The following SCAPER variants were observed in gnomAD, a reference collection of about 807,000 sequenced individuals.
The protein encoded by SCAPER is S-phase cyclin A associated protein in the ER.
SCAPER carries 98 observed loss-of-function variants against 182.2 expected under a neutral mutation model. The ratio of observed to expected loss-of-function variants is 0.54; its 90% CI spans 0.46 to 0.64. SCAPER has a LOEUF of 0.64. Ranked by LOEUF, SCAPER falls within the 30% of genes least tolerant of loss-of-function variation. The probability of loss-of-function intolerance (pLI) is 0.00; values close to 1 mark genes in which losing one functional copy is unlikely to be tolerated. For synonymous variants in SCAPER, 605 were observed against 564.6 expected (o/e 1.07, Z -1.01); for missense variants, 1,432 against 1,690.0 (o/e 0.85, Z 2.68).
intron 20 of SCAPER, among the ~76,000 whole-genome samples, chr15:76,690,152 A>G (rs1357350859): frequency 1.3e-5 from 2 of 152,188 alleles, no homozygotes; most frequent in African/African-American, 4.8e-5. Context: ...TGTGGCAAGA[A>G]ATAAGTTATA....
chr15:76,708,894 T>C (rs535554998), intron 17 of SCAPER, among the ~76,000 whole-genome samples: 25 of 151,930 alleles, frequency 1.6e-4, no homozygotes, highest in African/African-American at 6.0e-4. Context: ...GGTGGAACCC[T>C]GTCTCTACTA....
chr15:76,468,039 A>T (rs1176423119), intron 25 of SCAPER, among the ~76,000 whole-genome samples: 2 of 152,184 alleles, frequency 1.3e-5, no homozygotes, highest in Non-Finnish European at 2.9e-5. Flanking sequence ...TGGAAAATGT[A>T]TTGACAACTA....
chr15:76,390,769 A>G (rs2142016887), intron 27 of SCAPER, among the ~76,000 whole-genome samples: 1 of 152,300 alleles, frequency 6.6e-6, no homozygotes, highest in East Asian at 1.9e-4. Context: ...ACAGTTTGGA[A>G]GTTGGGCTGA....
chr15:76,733,232 C>A lies in SCAPER; in HGVS notation c.2019G>T (p.Val673=). 1.3e-6 allele frequency: 2 copies of A among 1,565,212 alleles called. No homozygotes were observed. Among genetic ancestry groups the A allele is most frequent in the Non-Finnish European group, 1.7e-6 (2 of 1,153,944 alleles). Residue 673 remains valine, a synonymous_variant, in exon 16 of 32, where the codon GTG becomes GTT. Transcript: ENST00000563290. ...TTGCTGAATAAAAAAATCCTACCTGCACAGCTTCATCACGTGCTTGCTTTT... is the reference window on the plus strand; with the variant it reads ...TTGCTGAATAAAAAAATCCTACCTGAACAGCTTCATCACGTGCTTGCTTTT... ...QEEKQARDEA[V]QERKRALEAE...
chr15:76,357,049 T>C (rs11857015), intron 29 of SCAPER, among the ~76,000 whole-genome samples: 43,121 of 151,966 alleles, frequency 0.28, 7,180 homozygotes, highest in East Asian at 0.58. Flanking sequence ...TCTGGGTTCT[T>C]GTATTTATTT....
At chr15:76,756,558 CAG>C (rs1326957645) in intron 14 of SCAPER, among the ~76,000 whole-genome samples, 1 of 152,032 alleles carries the variant, frequency 6.6e-6, no homozygotes, top group African/African-American at 2.4e-5. Flanking sequence ...TGCTGGGAGA[CAG>C]AGCAAGTCCC....
At chr15:76,772,012 T>A in intron 9 of SCAPER, 58 bp from the exon 10 acceptor site, 3 of 1,306,588 alleles carry the variant, frequency 2.3e-6, no homozygotes, top group Non-Finnish European at 3.2e-6. Context: ...TATTCCACTT[T>A]AGAAGAAGAG....
intron 17 of SCAPER, among the ~76,000 whole-genome samples, chr15:76,715,363 A>C (rs929776906): frequency 9.9e-5 from 15 of 152,100 alleles, no homozygotes; most frequent in Admixed American, 6.6e-5. Flanking sequence ...AGATATGGCA[A>C]CTTGCCTTCC....
intron 25 of SCAPER, among the ~76,000 whole-genome samples, chr15:76,438,945 C>T (rs1002344222): frequency 1.3e-5 from 2 of 152,014 alleles, no homozygotes; most frequent in African/African-American, 4.8e-5. Flanking sequence ...TCTCCTTGTC[C>T]CTTTGTATAG....
chr15:76,871,303 G>C (rs930500831), intron 2 of SCAPER, among the ~76,000 whole-genome samples: 2 of 151,386 alleles, frequency 1.3e-5, no homozygotes, highest in East Asian at 2.0e-4. Flanking sequence ...CAGCTACTTG[G>C]GGGACTGAGG....
intron 21 of SCAPER, among the ~76,000 whole-genome samples, chr15:76,629,538 A>C (rs2052907113): frequency 6.6e-6 from 1 of 151,930 alleles, no homozygotes; most frequent in Non-Finnish European, 1.5e-5. Flanking sequence ...TTGTCTTTAG[A>C]TCTGTTTATG....
chr15:76,868,549 C>T (rs1050744690), intron 2 of SCAPER, among the ~76,000 whole-genome samples: 13 of 151,996 alleles, frequency 8.6e-5, no homozygotes, highest in Non-Finnish European at 1.5e-4. Flanking sequence ...ACGATAGTTA[C>T]AAAGAATATA....
chr15:76,584,024 T>C (rs2048452776), intron 22 of SCAPER, among the ~76,000 whole-genome samples: 1 of 152,032 alleles, frequency 6.6e-6, no homozygotes, highest in South Asian at 2.1e-4. Flanking sequence ...AACCTAAATG[T>C]CCATCAAGAG....
At chr15:76,839,767 C>G (rs558928007) in intron 5 of SCAPER, among the ~76,000 whole-genome samples, 1 of 152,172 alleles carries the variant, frequency 6.6e-6, no homozygotes, top group Non-Finnish European at 1.5e-5. Context: ...ATAAAAGCCA[C>G]ACTTTCTTGT....
intron 24 of SCAPER, among the ~76,000 whole-genome samples, chr15:76,491,534 T>C (rs1387531397): frequency 1.3e-5 from 2 of 152,240 alleles, no homozygotes; most frequent in African/African-American, 4.8e-5. Flanking sequence ...TTACATACTG[T>C]TTCCAAAGTG....
At chr15:76,645,859 TA>T (rs1291876072) in intron 21 of SCAPER, among the ~76,000 whole-genome samples, 1 of 152,160 alleles carries the variant, frequency 6.6e-6, no homozygotes, top group Non-Finnish European at 1.5e-5. Context: ...GAATGGGTGT[TA>T]AAAATATTTA....
chr15:76,817,793 G>A (rs1162648786), intron 5 of SCAPER, among the ~76,000 whole-genome samples: 1 of 151,810 alleles, frequency 6.6e-6, no homozygotes, highest in Non-Finnish European at 1.5e-5. Flanking sequence ...TCTATATTAG[G>A]AAAACAACAA....
At chr15:76,742,494 A>AAAAAAAAAAAAAAG (rs1567986942) in intron 15 of SCAPER, among the ~76,000 whole-genome samples, 2 of 108,662 alleles carry the variant, frequency 1.8e-5, no homozygotes, top group Admixed American at 1.1e-4. Flanking sequence ...AAAAAAAAAA[A>AAAAAAAAAAAAAAG]GAATAAAAAT....
intron 21 of SCAPER, among the ~76,000 whole-genome samples, chr15:76,665,070 C>G (rs2056469408): frequency 6.6e-6 from 1 of 152,192 alleles, no homozygotes; most frequent in South Asian, 2.1e-4. Context: ...TGTCCTCGAA[C>G]CGGACTCATC....
Sources: allele counts gnomAD v4.1 joint callset (sites outside exome capture counted in the v4.1 genomes callset), GRCh38; gene constraint gnomAD v4.1.1; transcripts MANE v1.5; gene names NCBI Gene and HGNC (gene_info 2026-07-23, HGNC 2026-07-21).